Variants in SPOCK3 observed in about 807,000 individuals in gnomAD.
SPOCK3 encodes testican-3.
SPOCK3 carries 30 observed loss-of-function variants against 56.6 expected under a neutral mutation model. That is an observed-to-expected ratio of 0.53 (90% confidence interval 0.40 to 0.72). SPOCK3 has a LOEUF of 0.72. Ranked by LOEUF, SPOCK3 falls within the 30% of genes least tolerant of loss-of-function variation. The pLI is 0.00. For synonymous variants in SPOCK3, 196 were observed against 183.3 expected, an observed-to-expected ratio of 1.07 and a Z score of -0.56; for missense variants, 527 against 530.0, an observed-to-expected ratio of 0.99 and a Z score of 0.06.
intron 2 of SPOCK3, among the ~76,000 whole-genome samples, chr4:167,065,051 A>AAG (rs1755987146): frequency 6.7e-6 from 1 of 150,354 alleles, no homozygotes; most frequent in Non-Finnish European, 1.5e-5. Flanking sequence ...AAAAAAAAAA[A>AAG]AAAAAAAAAG....
chr4:166,813,701 T>C (rs982570119), intron 6 of SPOCK3, among the ~76,000 whole-genome samples: 3 of 151,912 alleles, frequency 2.0e-5, no homozygotes, highest in African/African-American at 7.2e-5. Flanking sequence ...GAGTCTTCAG[T>C]AAGTTTATGG....
chr4:166,838,102 C>G (rs1579373158), intron 6 of SPOCK3, among the ~76,000 whole-genome samples: 4 of 152,030 alleles, frequency 2.6e-5, no homozygotes, highest in Admixed American at 2.6e-4. Flanking sequence ...CAGATTCTTT[C>G]TTCATCTTTA....
chr4:166,841,476 TCTATTGTTAA>T (rs1747322934), intron 6 of SPOCK3, among the ~76,000 whole-genome samples: 1 of 152,198 alleles, frequency 6.6e-6, no homozygotes, highest in Admixed American at 6.5e-5. Context: ...TGCACTGGCT[TCTATTGTTAA>T]AAAATAAGGA....
In SPOCK3 at chr4:166,912,716, C is replaced by A. The variant is rs767498297; in HGVS notation, c.378G>T (p.Arg126Ser). ...TGGATAATATGGGACCCCTCCACTG[C>A]CTATGGTCTACTCCTGCTTCTTTCA... ...HRMKEAGVDH[R>S]QWRGPILSTC... Residue 126 changes from arginine (R) to serine (S), a missense_variant, in exon 5 of 11, where the codon AGG (arginine) becomes AGT (serine). Physicochemically the swap from Arg to Ser is moderately radical, Grantham distance 110 (BLOSUM62 -1). Transcript: ENST00000357545. 1 of 1,612,484 alleles carries A rather than the reference C, an allele frequency of 6.2e-7. No individual in the cohort carries two copies. The highest frequency in any genetic ancestry group is 1.7e-5 in the Admixed American group (1 of 59,804).
intron 6 of SPOCK3, among the ~76,000 whole-genome samples, chr4:166,792,784 A>C (rs1741487913): frequency 6.6e-6 from 1 of 152,156 alleles, no homozygotes; most frequent in Non-Finnish European, 1.5e-5. Context: ...TTAATGCTAT[A>C]TATTTGTTAA....
chr4:167,203,435 T>C (rs1733710968), intron 2 of SPOCK3, among the ~76,000 whole-genome samples: 1 of 151,862 alleles, frequency 6.6e-6, no homozygotes, highest in African/African-American at 2.4e-5. Flanking sequence ...GTTAAAGTGC[T>C]AAAAATAGCA....
chr4:166,910,015 T>G (rs556252636), intron 5 of SPOCK3, among the ~76,000 whole-genome samples: 1 of 152,114 alleles, frequency 6.6e-6, no homozygotes, highest in African/African-American at 2.4e-5. Flanking sequence ...CACCAACATA[T>G]TGAAGTCCTT....
intron 6 of SPOCK3, among the ~76,000 whole-genome samples, chr4:166,869,545 T>A (rs1336049003): frequency 2.0e-5 from 3 of 151,996 alleles, no homozygotes; most frequent in African/African-American, 7.2e-5. Context: ...CATCTTTGTA[T>A]TCAAAAGGCA....
At chr4:166,924,110 C>A (rs1196653246) in intron 4 of SPOCK3, among the ~76,000 whole-genome samples, 1 of 152,122 alleles carries the variant, frequency 6.6e-6, no homozygotes, top group Non-Finnish European at 1.5e-5. Context: ...CGTTAAAAGC[C>A]AGTCAGTTAG....
intron 2 of SPOCK3, among the ~76,000 whole-genome samples, chr4:167,209,904 C>T (rs538902022): frequency 6.6e-6 from 1 of 152,256 alleles, no homozygotes; most frequent in East Asian, 1.9e-4. Flanking sequence ...ATTTCTCACT[C>T]TGCTTTCTAT....
intron 4 of SPOCK3, among the ~76,000 whole-genome samples, chr4:166,985,427 C>T (rs1181167958): frequency 6.6e-6 from 1 of 152,062 alleles, no homozygotes; most frequent in Non-Finnish European, 1.5e-5. Flanking sequence ...AATGGATTAG[C>T]AATTTTTAGT....
intron 4 of SPOCK3, among the ~76,000 whole-genome samples, chr4:166,959,891 A>C (rs1028005451): frequency 6.6e-6 from 1 of 152,132 alleles, no homozygotes; most frequent in East Asian, 1.9e-4. Context: ...AGGCACAAAA[A>C]ATTAAAATTT....
At chr4:166,847,678 T>TATATATATATAC (rs1748242876) in intron 6 of SPOCK3, among the ~76,000 whole-genome samples, 1 of 100,300 alleles carries the variant, frequency 1.0e-5, no homozygotes, top group Non-Finnish European at 2.0e-5. Context: ...TATATATATA[T>TATATATATATAC]ATAAGAATCA....
At chr4:167,071,841 A>G (rs565092421) in intron 2 of SPOCK3, among the ~76,000 whole-genome samples, 1 of 152,038 alleles carries the variant, frequency 6.6e-6, no homozygotes, top group Non-Finnish European at 1.5e-5. Flanking sequence ...TCCCACCAAC[A>G]GTGTAAAGGG....
intron 6 of SPOCK3, among the ~76,000 whole-genome samples, chr4:166,829,174 T>C (rs1379068978): frequency 6.6e-6 from 1 of 152,076 alleles, no homozygotes; most frequent in Non-Finnish European, 1.5e-5. Flanking sequence ...ATACTGTTGA[T>C]ATAGATTATA....
rs189139745 is a variant in SPOCK3 at position 167,203,702 on chromosome 4, C to A, written c.189+30283G>T. Among the ~76,000 whole-genome samples, 154 of 152,110 alleles carry A rather than the reference C, an allele frequency of 1.0e-3. 1 individual carries two copies. In the Middle Eastern group the frequency reaches 0.01, roughly 10 times the overall value. ...GAAAAAACTATGAATGACAATCTTG[C>A]TGAAGATGTGGAGTAAAAATAAAGA... is the stretch of plus-strand genomic sequence containing the variant. On this transcript the variant is annotated intron_variant, in intron 2 of 10. Coordinates refer to ENST00000357545, the MANE Select transcript of SPOCK3 (RefSeq NM_001040159.2).
intron 2 of SPOCK3, among the ~76,000 whole-genome samples, chr4:167,150,193 C>T (rs1008702238): frequency 2.0e-5 from 3 of 152,002 alleles, no homozygotes; most frequent in Admixed American, 6.6e-5. Flanking sequence ...CCCTGAAATG[C>T]TATCCTTGAA....
intron 6 of SPOCK3, among the ~76,000 whole-genome samples, chr4:166,821,486 T>C (rs1744933852): frequency 6.6e-6 from 1 of 152,096 alleles, no homozygotes; most frequent in Admixed American, 6.6e-5. Context: ...TGCATGGAAA[T>C]GTTCATAGCA....
chr4:167,182,532 G>A (rs1169405311), intron 2 of SPOCK3, among the ~76,000 whole-genome samples: 1 of 151,420 alleles, frequency 6.6e-6, no homozygotes, highest in Non-Finnish European at 1.5e-5. Context: ...TGTTCGCAAA[G>A]CAGTTTTCAT....
Sources: gnomAD v4.1 joint callset for allele counts (sites outside exome capture counted in the v4.1 genomes callset) on GRCh38, gnomAD v4.1.1 for gene constraint, MANE v1.5 for transcripts, NCBI Gene and HGNC (gene_info 2026-07-23, HGNC 2026-07-21) for gene names.